Variants in CA12 observed in about 807,000 individuals in gnomAD.
CA12 encodes carbonate dehydratase XII.
CA12 carries 36 observed loss-of-function variants against 46.8 expected under a neutral mutation model. That is an observed-to-expected ratio of 0.77 (90% CI 0.59 to 1.02). CA12 has a LOEUF of 1.02. CA12 is among the 50% of genes least tolerant of loss of function. The pLI is 0.00. For missense variants in CA12, 436 were observed against 451.4 expected, an observed-to-expected ratio of 0.97 and a Z score of 0.31; for synonymous variants, 202 against 187.0, an observed-to-expected ratio of 1.08 and a Z score of -0.65.
chr15:63,346,424 C>CAA, intron 3 of CA12, 106 bp downstream of exon 3: 1 of 652,536 alleles, frequency 1.5e-6, no homozygotes, highest in Non-Finnish European at 2.7e-6. Flanking sequence ...CACCCCTCCT[C>CAA]CTGGATGCTT....
At position 63,346,663 on chromosome 15, in the gene CA12, C is replaced by G. The variant is rs772860791; in HGVS notation, c.153G>C (p.Gly51=). 1 of 1,614,140 alleles carries G rather than the reference C, an allele frequency of 6.2e-7. No homozygotes were observed. The highest frequency in any genetic ancestry group is 8.5e-7 in the Non-Finnish European group (1 of 1,180,024). ...GGTCTATGGGGGACTGCAGCAGGCC[C>G]CCACACGACGGGTACTTCTTGGACC... ...NSWSKKYPSC[G]GLLQSPIDLH... Residue 51 remains glycine (G), a synonymous_variant, in exon 3 of 11, where the codon GGG becomes GGC. Coordinates refer to ENST00000178638, the MANE Select transcript of CA12 (RefSeq NM_001218.5).
chr15:63,328,171 A>T lies in CA12; in HGVS notation c.875-41T>A. 6.3e-7 allele frequency: 1 copy of T among 1,587,536 alleles called. No homozygotes were observed. The highest frequency in any genetic ancestry group is 8.7e-7 in the Non-Finnish European group (1 of 1,155,930). ...GAAAAGACGAGGTTACTCTAGAGTC[A>T]AACCACACTGGATTTGAGCAGCGTG... On this transcript the variant is annotated intron_variant, in intron 8 of 10. Transcript: ENST00000178638. The surrounding 1 kb of genome is among the most constrained non-coding windows in gnomAD (Gnocchi z 5.9).
intron 8 of CA12, among the ~76,000 whole-genome samples, chr15:63,332,520 C>G (rs1397182760): frequency 6.6e-6 from 1 of 152,176 alleles, no homozygotes; most frequent in Non-Finnish European, 1.5e-5. Context: ...GCTTGGCACT[C>G]TAAGCTGTCT....
rs926618644 is a variant in CA12 at position 63,339,988 on chromosome 15, C to A, written c.747+300G>T. ...TATTCTGCCCTGTAAAGGAACCAGG[C>A]TCTCTCCTGCCTGGGAAGTGAATAC... On this transcript the variant is annotated intron_variant, in intron 7 of 10. Coordinates refer to ENST00000178638, the MANE Select transcript of CA12 (RefSeq NM_001218.5). This position sits in a 1 kb window ranked among gnomAD's most constrained non-coding sequence, Gnocchi z 4.3. 1 of 417,374 alleles carries A rather than the reference C, an allele frequency of 2.4e-6. No homozygotes were observed. The allele number at this position is 417,374 out of a possible 1,614,324, so 25.9% of individuals were successfully genotyped here.
At chr15:63,362,504 G>T (rs944264042) in intron 2 of CA12, among the ~76,000 whole-genome samples, 4 of 152,204 alleles carry the variant, frequency 2.6e-5, no homozygotes, top group African/African-American at 7.2e-5. Flanking sequence ...ATAAGCCCTG[G>T]GCAATGGTCC....
chr15:63,340,482 T>C lies in CA12; in HGVS notation c.590-37A>G. 5 of 1,613,380 alleles carry C rather than the reference T, an allele frequency of 3.1e-6. No individual in the cohort carries two copies. Among genetic ancestry groups the C allele is most frequent in the East Asian group, 2.2e-5 (1 of 44,876 alleles). The stretch of plus-strand genomic sequence containing the variant: ...TGTTGCAGAGGTGATAGTGTCAGCC[T>C]CCCTCCGTAGGGCATAAGTGCAGCT... On this transcript the variant is annotated intron_variant, in intron 6 of 10. Transcript: ENST00000178638. The surrounding 1 kb of genome is among the most constrained non-coding windows in gnomAD (Gnocchi z 4.4).
intron 8 of CA12, 57 bp downstream of exon 8, chr15:63,338,762 C>A: frequency 6.2e-7 from 1 of 1,609,560 alleles, no homozygotes; most frequent in Admixed American, 1.7e-5. Context: ...ACAGAAGATC[C>A]CAATGTCTTG....
At chr15:63,326,901 G>A (rs528858510) in intron 10 of CA12, among the ~76,000 whole-genome samples, 1 of 152,348 alleles carries the variant, frequency 6.6e-6, no homozygotes, top group East Asian at 1.9e-4. Flanking sequence ...CCATGCAATA[G>A]CAGCAAGCAA....
intron 2 of CA12, among the ~76,000 whole-genome samples, chr15:63,361,184 G>A (rs767808978): frequency 6.6e-6 from 1 of 152,226 alleles, no homozygotes; most frequent in Non-Finnish European, 1.5e-5. Context: ...GAGCTGCCCA[G>A]TGGAAGTGTA....
At position 63,329,325 on chromosome 15, in the gene CA12, C is replaced by T. The variant is rs1025549219; in HGVS notation, c.875-1195G>A. ...GAGAAGTCCTCAGTGTGGCTGAACCCGTGCCCAGCTACCTAAGTCTCACAG... is the reference window on the plus strand; with the variant it reads ...GAGAAGTCCTCAGTGTGGCTGAACCTGTGCCCAGCTACCTAAGTCTCACAG... On this transcript the variant is annotated intron_variant, in intron 8 of 10. Transcript: ENST00000178638. This position sits in a 1 kb window ranked among gnomAD's most constrained non-coding sequence, Gnocchi z 4.8. Among the ~76,000 whole-genome samples, 13 of 152,276 alleles carry T rather than the reference C, an allele frequency of 8.5e-5. No homozygotes were observed. Among genetic ancestry groups the T allele is most frequent in the East Asian group, 1.9e-4 (1 of 5,178 alleles).
intron 4 of CA12, 38 bp from the exon 5 acceptor site, chr15:63,342,135 G>A (rs187816111): frequency 2.0e-5 from 26 of 1,319,974 alleles, no homozygotes; most frequent in African/African-American, 2.9e-5. Flanking sequence ...GGAGATAAGC[G>A]ACTCATGGGA....
At chr15:63,363,473 G>A (rs1267039771) in intron 2 of CA12, among the ~76,000 whole-genome samples, 1 of 152,182 alleles carries the variant, frequency 6.6e-6, no homozygotes, top group Non-Finnish European at 1.5e-5. Flanking sequence ...CTGTGGAGAC[G>A]CTGACCCCTA....
chr15:63,345,293 A>G lies in CA12; in HGVS notation c.429+184T>C, dbSNP rs1200091742. 6.6e-6 allele frequency among the ~76,000 whole-genome samples: 1 copy of G among 152,262 alleles called. No individual in the cohort carries two copies. Among genetic ancestry groups the G allele is most frequent in the African/African-American group, 2.4e-5 (1 of 41,464 alleles). Reference sequence around the variant, plus strand: ...TGTTCAGGAGAAGAAAGGGACCAGGACAGTGCAGATGAGCTACAGGCTAGT... The same window carrying G: ...TGTTCAGGAGAAGAAAGGGACCAGGGCAGTGCAGATGAGCTACAGGCTAGT... On this transcript the variant is annotated intron_variant, in intron 4 of 10. Transcript: ENST00000178638. This position sits in a 1 kb window ranked among gnomAD's most constrained non-coding sequence, Gnocchi z 4.3.
In CA12 at chr15:63,345,495, T is replaced by C. The variant is rs925295225; in HGVS notation, c.411A>G (p.Gly137=). 1 of 1,609,720 alleles carries C rather than the reference T, an allele frequency of 6.2e-7. No individual in the cohort carries two copies. Among genetic ancestry groups the C allele is most frequent in the African/African-American group, 1.3e-5 (1 of 74,942 alleles). ...DPHGSEHTVS[G]QHFAAELHIV... is the part of the protein sequence containing the mutation. ...TACTTACCTCGGCGGCGAAGTGCTG[T>C]CCGCTGACGGTGTGCTCAGAGCCGT... Residue 137 remains glycine, a synonymous_variant, in exon 4 of 11, where the codon GGA becomes GGG. Coordinates refer to ENST00000178638, the MANE Select transcript of CA12 (RefSeq NM_001218.5). The surrounding 1 kb of genome is among the most constrained non-coding windows in gnomAD (Gnocchi z 4.3).
chr15:63,337,539 C>A (rs1378393204), intron 8 of CA12, among the ~76,000 whole-genome samples: 1 of 151,608 alleles, frequency 6.6e-6, no homozygotes, highest in African/African-American at 2.4e-5. Context: ...TCATTGCAAC[C>A]TCTGCCTCCT....
intron 10 of CA12, 49 bp from the exon 11 acceptor site, chr15:63,326,406 G>T (rs1213160210): frequency 1.4e-6 from 2 of 1,480,834 alleles, no homozygotes; most frequent in Non-Finnish European, 1.9e-6. Flanking sequence ...GAGCGAGCGA[G>T]CCAGAGAGCA....
At chr15:63,368,601 A>T (rs117305452) in intron 2 of CA12, among the ~76,000 whole-genome samples, 8 of 152,300 alleles carry the variant, frequency 5.3e-5, no homozygotes, top group Non-Finnish European at 1.0e-4. Context: ...TCTTAAGGGG[A>T]TGCGTTGCCA....
chr15:63,349,067 A>G (rs1169328133), intron 2 of CA12, among the ~76,000 whole-genome samples: 2 of 152,124 alleles, frequency 1.3e-5, no homozygotes, highest in Admixed American at 1.3e-4. Context: ...AGTCCAGAGA[A>G]TGAGATTCCA....
Position 63,345,435 on chromosome 15 carries a change from C to T in CA12, c.429+42G>A. ...CCAGGTCGAGAAGGTGCCACACCAC[C>T]CACTGCAGAGCAGCCTCTGCCAGAC... On this transcript the variant is annotated intron_variant, in intron 4 of 10. Transcript: ENST00000178638. The surrounding 1 kb of genome is among the most constrained non-coding windows in gnomAD (Gnocchi z 4.3). 1.2e-6 allele frequency: 2 copies of T among 1,600,380 alleles called. No individual in the cohort carries two copies. The highest frequency in any genetic ancestry group is 1.1e-5 in the South Asian group (1 of 90,908).
Sources: allele counts gnomAD v4.1 joint callset (sites outside exome capture counted in the v4.1 genomes callset), GRCh38; gene constraint gnomAD v4.1.1; non-coding constraint Gnocchi (gnomAD v3.1); transcripts MANE v1.5; gene names NCBI Gene and HGNC (gene_info 2026-07-23, HGNC 2026-07-21).